Variants in TGFBR2 observed in about 807,000 individuals in gnomAD.
TGFBR2 encodes the protein transforming growth factor beta receptor 2, also known as TGF-beta receptor type-2.
Under a neutral mutation model 49.0 loss-of-function variants are expected in TGFBR2, and 18 were observed. The observed-to-expected ratio is 0.37, with a 90% CI of 0.25 to 0.54. TGFBR2 has a LOEUF of 0.54. TGFBR2 is among the 20% of genes least tolerant of loss of function. TGFBR2 has a pLI of 0.85. For missense variants in TGFBR2, 525 were observed against 722.6 expected, an observed-to-expected ratio of 0.73 and a Z score of 3.13; for synonymous variants, 282 against 275.9, an observed-to-expected ratio of 1.02 and a Z score of -0.22.
rs775045477 is a variant in TGFBR2 at position 30,628,128 on chromosome 3, TA to T, written c.95-16617del. Among the ~76,000 whole-genome samples, 281 of 55,006 alleles carry T rather than the reference TA, an allele frequency of 5.1e-3. 3 individuals carry two copies. Among genetic ancestry groups the T allele is most frequent in the African/African-American group, 0.011 (167 of 15,422 alleles). 36.1% of individuals were successfully genotyped at this position (55,006 alleles called of 152,430 possible). A position where few individuals can be genotyped will look rare whatever the true frequency, so the allele number is the denominator to read the frequency against. On this transcript the variant is annotated intron_variant, in intron 1 of 6. Transcript: ENST00000295754. ...CAGCCAGGCCTTTTTTTTTTTTTTT[TA>T]ATCATCTGTGTTTTTAGTTTTAATC...
chr3:30,678,928 A>T (rs1288452992), intron 5 of TGFBR2, among the ~76,000 whole-genome samples: 2 of 152,234 alleles, frequency 1.3e-5, no homozygotes, highest in Non-Finnish European at 2.9e-5. Context: ...AACTGAATGA[A>T]GTAGGATACA....
chr3:30,650,332 A>G lies in TGFBR2; in HGVS notation c.326A>G (p.His109Arg). Residue 109 changes from histidine to arginine, a missense_variant, in exon 3 of 7, where the codon CAT (histidine) becomes CGT (arginine). This residue lies in a region of TGFBR2 where 376 missense variants were observed against 478.2 expected (regional missense o/e 0.79). Transcript: ENST00000295754. ...TVCHDPKLPY[H>R]DFILEDAASP... is the part of the protein sequence containing the mutation. ...TGCCATGACCCCAAGCTCCCCTACC[A>G]TGACTTTATTCTGGAAGATGCTGCT... The G allele has an allele frequency of 6.2e-7, 1 of 1,613,910 alleles. No individual in the cohort carries two copies.
intron 1 of TGFBR2, among the ~76,000 whole-genome samples, chr3:30,633,066 A>G (rs1228416202): frequency 1.3e-5 from 2 of 152,164 alleles, no homozygotes; most frequent in Middle Eastern, 3.4e-3. Context: ...GTAAAGTTCT[A>G]CTCTTAAACT....
chr3:30,688,279 T>C, intron 5 of TGFBR2, 105 bp from the exon 6 acceptor site: 1 of 1,454,410 alleles, frequency 6.9e-7, no homozygotes, highest in Non-Finnish European at 9.6e-7. Flanking sequence ...TATGTATTTG[T>C]TACTTAGTGC....
intron 1 of TGFBR2, among the ~76,000 whole-genome samples, chr3:30,616,001 C>G (rs1478319535): frequency 6.6e-6 from 1 of 152,072 alleles, no homozygotes; most frequent in Admixed American, 6.6e-5. Flanking sequence ...CCTCTGCCTC[C>G]CAAAGTGTTA....
At chr3:30,607,721 G>T (rs1308849202) in intron 1 of TGFBR2, among the ~76,000 whole-genome samples, 1 of 150,450 alleles carries the variant, frequency 6.6e-6, no homozygotes, top group African/African-American at 2.5e-5. Context: ...GTTGGAAACC[G>T]AAGGGTTAAA....
chr3:30,655,799 G>A (rs976430509), intron 3 of TGFBR2, among the ~76,000 whole-genome samples: 1 of 152,216 alleles, frequency 6.6e-6, no homozygotes, highest in African/African-American at 2.4e-5. Flanking sequence ...CTGGCACACA[G>A]TAGGTGCATC....
chr3:30,677,352 T>C (rs1211812250), intron 5 of TGFBR2, among the ~76,000 whole-genome samples: 1 of 152,204 alleles, frequency 6.6e-6, no homozygotes, highest in Non-Finnish European at 1.5e-5. Flanking sequence ...AACCTTAGGA[T>C]AAGAAGAGAC....
intron 5 of TGFBR2, among the ~76,000 whole-genome samples, chr3:30,680,136 A>C (rs6766008): frequency 0.8 from 97,463 of 121,376 alleles, 37,323 homozygotes; most frequent in African/African-American, 0.87. Flanking sequence ...CCCGCCCCCC[A>C]AAAAAAATAG....
At position 30,672,116 on chromosome 3, in the gene TGFBR2, G is replaced by A. The variant is rs754003334; in HGVS notation, c.933G>A (p.Glu311=). ...HENILQFLTA[E]ERKTELGKQY... ...ACATACTCCAGTTCCTGACGGCTGA[G>A]GAGCGGAAGACGGAGTTGGGGAAAC... Residue 311 remains glutamate, a synonymous_variant, in exon 4 of 7, where the codon GAG becomes GAA. Transcript: ENST00000295754. The surrounding 1 kb of genome is among the most constrained non-coding windows in gnomAD (Gnocchi z 4.5). 3 of 1,614,092 alleles carry A rather than the reference G, an allele frequency of 1.9e-6. No individual in the cohort carries two copies. Among genetic ancestry groups the A allele is most frequent in the African/African-American group, 1.3e-5 (1 of 74,940 alleles).
chr3:30,628,541 T>G (rs866620893), intron 1 of TGFBR2, among the ~76,000 whole-genome samples: 3 of 148,364 alleles, frequency 2.0e-5, no homozygotes, highest in Non-Finnish European at 3.0e-5. Context: ...TTTTTTTTTT[T>G]TTTTTTTTTT....
chr3:30,668,542 T>C (rs1194601013), intron 3 of TGFBR2, among the ~76,000 whole-genome samples: 2 of 152,198 alleles, frequency 1.3e-5, no homozygotes, highest in Non-Finnish European at 2.9e-5. Context: ...TTTTGTTTGC[T>C]GTACAACAGG....
In TGFBR2 at chr3:30,672,628, C is replaced by T. The variant is rs1223980372; in HGVS notation, c.1254+191C>T. Among the ~76,000 whole-genome samples the T allele has an allele frequency of 6.6e-6, 1 of 152,210 alleles. No individual in the cohort carries two copies. Among genetic ancestry groups the T allele is most frequent in the Admixed American group, 6.5e-5 (1 of 15,290 alleles). ...CTGCCTGAGCATTTTTGCTAATGGACAGCATTTCTCCTCCTATCTTCAAAT... is the reference window on the plus strand; with the variant it reads ...CTGCCTGAGCATTTTTGCTAATGGATAGCATTTCTCCTCCTATCTTCAAAT... On this transcript the variant is annotated intron_variant, in intron 4 of 6. Transcript: ENST00000295754. The surrounding 1 kb of genome is among the most constrained non-coding windows in gnomAD (Gnocchi z 4.5).
At chr3:30,625,370 A>G (rs564872070) in intron 1 of TGFBR2, among the ~76,000 whole-genome samples, 4 of 152,338 alleles carry the variant, frequency 2.6e-5, no homozygotes, top group South Asian at 2.1e-4. Context: ...CTAAGGAACT[A>G]TTTCCCTTCT....
chr3:30,657,261 T>G (rs1046347979), intron 3 of TGFBR2, among the ~76,000 whole-genome samples: 1 of 152,194 alleles, frequency 6.6e-6, no homozygotes, highest in Non-Finnish European at 1.5e-5. Context: ...ACAACTTACA[T>G]AAGAGGCTAC....
chr3:30,688,272 G>T (rs1699657792), intron 5 of TGFBR2, 112 bp from the exon 6 acceptor site: 1 of 1,369,454 alleles, frequency 7.3e-7, no homozygotes, highest in African/African-American at 1.4e-5. Flanking sequence ...AATTACGTAT[G>T]TATTTGTTAC....
At chr3:30,624,441 C>T (rs958570518) in intron 1 of TGFBR2, among the ~76,000 whole-genome samples, 1 of 151,930 alleles carries the variant, frequency 6.6e-6, no homozygotes, top group Non-Finnish European at 1.5e-5. Context: ...CATGGTGAAA[C>T]CCCGTCTCTA....
chr3:30,623,102 T>G (rs1698263980), intron 1 of TGFBR2: 4 of 729,284 alleles, frequency 5.5e-6, no homozygotes, highest in African/African-American at 1.8e-5. Context: ...CTCACAGTAA[T>G]AGAAAGCTTC....
At chr3:30,684,831 T>C (rs1048220961) in intron 5 of TGFBR2, among the ~76,000 whole-genome samples, 15 of 152,212 alleles carry the variant, frequency 9.9e-5, no homozygotes, top group African/African-American at 3.6e-4. Flanking sequence ...TAAAATAGCA[T>C]TCATTAATTT....
Sources: gnomAD v4.1 joint callset for allele counts (sites outside exome capture counted in the v4.1 genomes callset) on GRCh38, gnomAD v4.1.1 for gene constraint, gnomAD v4.1.1 regional missense constraint, Gnocchi (gnomAD v3.1) non-coding constraint, MANE v1.5 for transcripts, NCBI Gene and HGNC (gene_info 2026-07-23, HGNC 2026-07-21) for gene names.